Variants in PTPRM observed in about 807,000 individuals in gnomAD.
PTPRM encodes receptor-type tyrosine-protein phosphatase mu.
A neutral mutation model predicts 186.7 loss-of-function variants in PTPRM; 47 were observed. The ratio of observed to expected loss-of-function variants is 0.25; its 90% CI spans 0.20 to 0.32. The LOEUF is 0.32. Among genes scored for constraint, PTPRM ranks in the 10% least tolerant of loss-of-function variants. The pLI is 1.00. For synonymous variants in PTPRM, 668 were observed against 674.9 expected, an observed-to-expected ratio of 0.99 and a Z score of 0.16; for missense variants, 1,494 against 1,865.0, an observed-to-expected ratio of 0.80 and a Z score of 3.66.
chr18:8,051,096 G>A (rs1481988610), intron 7 of PTPRM, among the ~76,000 whole-genome samples: 2 of 152,144 alleles, frequency 1.3e-5, no homozygotes, highest in Admixed American at 1.3e-4. Flanking sequence ...TCAAGTCACA[G>A]GACTCCATCC....
chr18:7,976,919 GTT>G lies in PTPRM; in HGVS notation c.1132+21519_1132+21520del, dbSNP rs377745578. Among the ~76,000 whole-genome samples the G allele has an allele frequency of 4.1e-3, 559 of 137,676 alleles. 2 individuals carry two copies. The highest frequency in any genetic ancestry group is 0.014 in the African/African-American group (526 of 37,500). The allele number at this position is 137,676 out of a possible 152,430, so 90.3% of individuals were successfully genotyped here. A position where few individuals can be genotyped will look rare whatever the true frequency, so the allele number is the denominator to read the frequency against. Reference sequence around the variant, plus strand: ...ATTGAGATCTGCAAAGAAACTTGCTGTTTTTTTTTTTTTTTAAAGCTTGATTT... The same window carrying G: ...ATTGAGATCTGCAAAGAAACTTGCTGTTTTTTTTTTTTTAAAGCTTGATTT... On this transcript the variant is annotated intron_variant, in intron 7 of 32. Transcript: ENST00000580170.
chr18:8,214,653 C>A (rs535441487), intron 14 of PTPRM, among the ~76,000 whole-genome samples: 2 of 152,084 alleles, frequency 1.3e-5, no homozygotes, highest in South Asian at 2.1e-4. Context: ...TTCAGAACAT[C>A]CTTGATCATG....
At chr18:7,804,395 T>A (rs1289367086) in intron 2 of PTPRM, among the ~76,000 whole-genome samples, 1 of 152,218 alleles carries the variant, frequency 6.6e-6, no homozygotes, top group South Asian at 2.1e-4. Flanking sequence ...TTGACTACCC[T>A]GCTATTCAGG....
intron 1 of PTPRM, among the ~76,000 whole-genome samples, chr18:7,621,862 C>G (rs972469560): frequency 1.3e-5 from 2 of 152,168 alleles, no homozygotes; most frequent in Non-Finnish European, 2.9e-5. Flanking sequence ...TTTATCCATT[C>G]ACCTACTGAA....
At chr18:8,102,907 G>A (rs2091352456) in intron 11 of PTPRM, among the ~76,000 whole-genome samples, 1 of 152,098 alleles carries the variant, frequency 6.6e-6, no homozygotes, top group Non-Finnish European at 1.5e-5. Context: ...TTGACCCATG[G>A]GCTGCAAAAT....
At chr18:7,685,259 G>C (rs2039574681) in intron 1 of PTPRM, among the ~76,000 whole-genome samples, 1 of 152,166 alleles carries the variant, frequency 6.6e-6, no homozygotes, top group African/African-American at 2.4e-5. Context: ...AGCTTGTACT[G>C]TTATTTGCTG....
intron 1 of PTPRM, among the ~76,000 whole-genome samples, chr18:7,607,555 T>C (rs2037563902): frequency 6.6e-6 from 1 of 152,202 alleles, no homozygotes; most frequent in Non-Finnish European, 1.5e-5. Context: ...CTTAACCTCT[T>C]TGTGCTTCAC....
At chr18:8,131,466 G>A (rs2092504826) in intron 13 of PTPRM, among the ~76,000 whole-genome samples, 1 of 152,164 alleles carries the variant, frequency 6.6e-6, no homozygotes, top group South Asian at 2.1e-4. Flanking sequence ...AGCAGTAATA[G>A]CCCAAAACAG....
rs368444120 is a variant in PTPRM, at chr18:7,644,435, C to T, written c.73+76544C>T. Among the ~76,000 whole-genome samples the T allele has an allele frequency of 2.6e-4, 39 of 152,254 alleles. 1 individual carries two copies. In the South Asian group the frequency reaches 7.7e-3, roughly 30 times the overall value. The stretch of plus-strand genomic sequence containing the variant: ...AACACAGTAGAATTGTACGTCAGTT[C>T]TACTATGTAGAAGAGTCAGCTTTAT... On this transcript the variant is annotated intron_variant, in intron 1 of 32. Coordinates refer to ENST00000580170, the MANE Select transcript of PTPRM (RefSeq NM_001105244.2).
At chr18:7,868,108 C>A (rs1375301817) in intron 2 of PTPRM, among the ~76,000 whole-genome samples, 2 of 152,084 alleles carry the variant, frequency 1.3e-5, no homozygotes, top group East Asian at 3.9e-4. Context: ...AACCTTTTTT[C>A]AAAGTACTTA....
intron 22 of PTPRM, among the ~76,000 whole-genome samples, chr18:8,326,804 T>A (rs1360513764): frequency 2.0e-5 from 3 of 152,172 alleles, no homozygotes; most frequent in Admixed American, 6.5e-5. Flanking sequence ...CAATTCAAGA[T>A]GAATTAAAGA....
chr18:7,922,028 T>G (rs1436782933), intron 4 of PTPRM, among the ~76,000 whole-genome samples: 3 of 152,212 alleles, frequency 2.0e-5, no homozygotes, highest in Non-Finnish European at 2.9e-5. Flanking sequence ...ACATTTTTGC[T>G]TAGAGCTTCT....
At position 7,906,556 on chromosome 18, in the gene PTPRM, G is replaced by A. The variant is rs894013544; in HGVS notation, c.520G>A (p.Glu174Lys). The A allele has an allele frequency of 1.2e-6, 2 of 1,613,436 alleles. No individual in the cohort carries two copies. Among genetic ancestry groups the A allele is most frequent in the Non-Finnish European group, 1.7e-6 (2 of 1,179,450 alleles). ...ACATCAAGGCTATCTCGCTATCGAT[G>A]AGGTGAAGGTGTTAGGACATCCATG... is the stretch of plus-strand genomic sequence containing the variant. ...SGHQGYLAID[E>K]VKVLGHPCTR... The change falls in exon 4 of 33, where the codon GAG (glutamate) becomes AAG (lysine). Residue 174 changes from glutamate (E) to lysine (K), a missense_variant. Glu to Lys is a moderately conservative substitution (Grantham distance 56). Transcript: ENST00000580170.
At chr18:8,316,534 T>A (rs2095310218) in intron 21 of PTPRM, among the ~76,000 whole-genome samples, 1 of 152,188 alleles carries the variant, frequency 6.6e-6, no homozygotes, top group Non-Finnish European at 1.5e-5. Flanking sequence ...ACTGAGGGCC[T>A]CTTTATTCTC....
intron 1 of PTPRM, among the ~76,000 whole-genome samples, chr18:7,676,637 G>C (rs1568022163): frequency 2.9e-5 from 4 of 137,882 alleles, no homozygotes; most frequent in African/African-American, 9.3e-5. Context: ...CTGTGTGTGT[G>C]TGTGTGTGTG....
chr18:7,776,761 A>G (rs188117537), intron 2 of PTPRM, among the ~76,000 whole-genome samples: 65 of 152,300 alleles, frequency 4.3e-4, no homozygotes, highest in Admixed American at 8.5e-4. Context: ...CTCAATATCA[A>G]CCCAATATTT....
chr18:7,921,247 A>G (rs1331428720), intron 4 of PTPRM, among the ~76,000 whole-genome samples: 1 of 151,916 alleles, frequency 6.6e-6, no homozygotes, highest in Non-Finnish European at 1.5e-5. Context: ...ATTTTTCAGT[A>G]TTTTGTAGAT....
intron 2 of PTPRM, among the ~76,000 whole-genome samples, chr18:7,813,045 C>G (rs1275550599): frequency 6.6e-6 from 1 of 152,348 alleles, no homozygotes; most frequent in African/African-American, 2.4e-5. Flanking sequence ...TGACGAATTA[C>G]CCCTGTGACT....
rs112854880 is a variant in PTPRM, at chr18:7,938,340, C to T, written c.664-10841C>T. Among the ~76,000 whole-genome samples the T allele has an allele frequency of 9.5e-4, 145 of 152,220 alleles. 1 individual carries two copies. Among genetic ancestry groups the T allele is most frequent in the African/African-American group, 3.2e-3 (134 of 41,520 alleles). The stretch of plus-strand genomic sequence containing the variant: ...AGGCATATTGACTAAGGAAAAGTGA[C>T]GTTATTAACCAGCCGTGTGAATGAC... On this transcript the variant is annotated intron_variant, in intron 5 of 32. Coordinates refer to ENST00000580170, the MANE Select transcript of PTPRM (RefSeq NM_001105244.2).
Sources: allele counts gnomAD v4.1 joint callset (sites outside exome capture counted in the v4.1 genomes callset), GRCh38; gene constraint gnomAD v4.1.1; transcripts MANE v1.5; gene names NCBI Gene and HGNC (gene_info 2026-07-23, HGNC 2026-07-21).